NME5: variants seen among roughly 807,000 people sequenced by gnomAD.
NME5 encodes nucleoside diphosphate kinase 5.
Under a neutral mutation model 21.6 loss-of-function variants are expected in NME5, and 18 were observed. The ratio of observed to expected loss-of-function variants is 0.83; its 90% CI spans 0.58 to 1.24. The LOEUF (loss-of-function observed/expected upper bound fraction) is 1.24. NME5 is among the 50% of genes most tolerant of loss of function. The pLI is 0.00. For synonymous variants in NME5, 70 were observed against 80.6 expected (o/e 0.87, Z 0.71); for missense variants, 223 against 255.4 (o/e 0.87, Z 0.86).
At chr5:138,117,314 A>G (rs1319058848) in intron 5 of NME5, among the ~76,000 whole-genome samples, 2 of 152,030 alleles carry the variant, frequency 1.3e-5, no homozygotes, top group Non-Finnish European at 2.9e-5. Context: ...GGATTCTTAG[A>G]CATGACATCA....
At chr5:138,135,109 G>A (rs1306485804) in intron 2 of NME5, among the ~76,000 whole-genome samples, 2 of 148,970 alleles carry the variant, frequency 1.3e-5, no homozygotes, top group Non-Finnish European at 3.0e-5. Flanking sequence ...ACAAGGTCAG[G>A]AGATCGAGAC....
At chr5:138,132,915 T>C (rs1157324438) in intron 2 of NME5, among the ~76,000 whole-genome samples, 1 of 152,074 alleles carries the variant, frequency 6.6e-6, no homozygotes, top group African/African-American at 2.4e-5. Flanking sequence ...AATTAAGACA[T>C]GAAACTATGA....
intron 2 of NME5, among the ~76,000 whole-genome samples, chr5:138,137,766 C>T (rs1013498544): frequency 1.3e-5 from 2 of 151,076 alleles, no homozygotes; most frequent in African/African-American, 4.9e-5. Context: ...TTTGGGAGGC[C>T]GAGGCGGGTG....
At chr5:138,116,113 A>C (rs996970515) in intron 5 of NME5, 1 of 167,082 alleles carries the variant, frequency 6.0e-6, no homozygotes, top group African/African-American at 2.4e-5. Flanking sequence ...TCCAAAAAAA[A>C]ATTTTAAATC....
At chr5:138,117,728 ATCCC>A (rs1481301129) in intron 5 of NME5, among the ~76,000 whole-genome samples, 1 of 152,122 alleles carries the variant, frequency 6.6e-6, no homozygotes, top group Admixed American at 6.5e-5. Flanking sequence ...CACACCTGCA[ATCCC>A]AGCACTTTGG....
intron 2 of NME5, among the ~76,000 whole-genome samples, chr5:138,131,046 C>A (rs1751553268): frequency 6.6e-6 from 1 of 151,624 alleles, no homozygotes; most frequent in South Asian, 2.1e-4. Context: ...GCCTAGCCAA[C>A]ATGGTGAAAC....
chr5:138,117,107 C>T (rs146806182), intron 5 of NME5, among the ~76,000 whole-genome samples: 52 of 149,614 alleles, frequency 3.5e-4, no homozygotes, highest in East Asian at 5.9e-4. Flanking sequence ...TACTTGGCAG[C>T]CTGGTGCACA....
chr5:138,125,906 G>A (rs1054414628), intron 4 of NME5, among the ~76,000 whole-genome samples: 12 of 152,154 alleles, frequency 7.9e-5, no homozygotes, highest in African/African-American at 2.2e-4. Flanking sequence ...GAGCCACCAC[G>A]TCCAGCCAGC....
At chr5:138,133,299 GGTTTCACCGT>G (rs1751616790) in intron 2 of NME5, among the ~76,000 whole-genome samples, 1 of 151,842 alleles carries the variant, frequency 6.6e-6, no homozygotes, top group Admixed American at 6.6e-5. Context: ...GTAGAGACGG[GGTTTCACCGT>G]GTTAGCCAGG....
chr5:138,137,783 G>T (rs867333084), intron 2 of NME5, among the ~76,000 whole-genome samples: 2 of 151,224 alleles, frequency 1.3e-5, no homozygotes, highest in African/African-American at 2.4e-5. Flanking sequence ...GGTGGATCAC[G>T]AGGTCAGGAG....
chr5:138,133,906 T>G (rs1366455985), intron 2 of NME5, among the ~76,000 whole-genome samples: 1 of 151,900 alleles, frequency 6.6e-6, no homozygotes, highest in East Asian at 1.9e-4. Context: ...TGGACAGTAG[T>G]GATGGTTGTA....
intron 4 of NME5, among the ~76,000 whole-genome samples, chr5:138,127,875 G>T (rs1751459169): frequency 6.6e-6 from 1 of 152,100 alleles, no homozygotes; most frequent in Non-Finnish European, 1.5e-5. Context: ...TAACTAGAAA[G>T]AACTGTTACA....
chr5:138,119,031 T>C, intron 4 of NME5, 95 bp from the exon 5 acceptor site: 1 of 692,154 alleles, frequency 1.4e-6, no homozygotes, highest in Non-Finnish European at 2.4e-6. Flanking sequence ...TTTCTCTATT[T>C]TTTTATATGT....
At position 138,138,345 on chromosome 5, in the gene NME5, C is replaced by G. The variant is rs150969917; in HGVS notation, c.129+307G>C. ...AAGGGGTCAAGGGAAAGGGACTGTT[C>G]TGTTTTATGGGGGGAAAATGTTTAT... On this transcript the variant is annotated intron_variant, in intron 2 of 5. Coordinates refer to ENST00000265191, the MANE Select transcript of NME5 (RefSeq NM_003551.3). 594 of 274,440 alleles carry G rather than the reference C, an allele frequency of 2.2e-3. 3 individuals carry two copies. The highest frequency in any genetic ancestry group is 0.013 in the African/African-American group (549 of 43,246). The allele number at this position is 274,440 out of a possible 1,614,324, so 17.0% of individuals were successfully genotyped here.
chr5:138,128,531 C>T lies in NME5; in HGVS notation c.384G>A (p.Gly128=). The T allele has an allele frequency of 1.2e-6, 2 of 1,613,116 alleles. No individual in the cohort carries two copies. Among genetic ancestry groups the T allele is most frequent in the Non-Finnish European group, 1.7e-6 (2 of 1,179,724 alleles). The change falls in exon 4 of 6, where the codon GGG becomes GGA. Residue 128 remains glycine (G), a synonymous_variant. Coordinates refer to ENST00000265191, the MANE Select transcript of NME5 (RefSeq NM_003551.3). ...TTTCCGCAGCAGCAAAGTCATTACT[C>T]CCATGAAGTGCATTCCTTAGGTCAT... ...GTDDLRNALH[G]SNDFAAAERE...
chr5:138,131,426 G>A (rs890340476), intron 2 of NME5, among the ~76,000 whole-genome samples: 9 of 151,522 alleles, frequency 5.9e-5, no homozygotes, highest in African/African-American at 1.9e-4. Flanking sequence ...GTGCATGTCT[G>A]TAATCCCAGC....
rs759175099 is a variant in NME5, at chr5:138,118,825, T to A, written c.548A>T (p.Asp183Val). ...AATAAAAATATTTCTTACCAAAGGA[T>A]CTGCTGGTTTTTGCTTACAAAGCTC... is the stretch of plus-strand genomic sequence containing the variant. ...LTELCKQKPA[D>V]PLIWLADWLL... The change falls in exon 5 of 6, where the codon GAT becomes GTT. Residue 183 changes from aspartate to valine, a missense_variant. Coordinates refer to ENST00000265191, the MANE Select transcript of NME5 (RefSeq NM_003551.3). 6.9e-6 allele frequency: 11 copies of A among 1,592,800 alleles called. No homozygotes were observed. Among genetic ancestry groups the A allele is most frequent in the Non-Finnish European group, 9.5e-6 (11 of 1,160,996 alleles).
chr5:138,129,444 C>A lies in NME5; in HGVS notation c.154G>T (p.Glu52Ter), dbSNP rs1220235034. 1 of 1,613,986 alleles carries A rather than the reference C, an allele frequency of 6.2e-7. No homozygotes were observed. Among genetic ancestry groups the A allele is most frequent in the South Asian group, 1.1e-5 (1 of 91,072 alleles). Residue 52 changes from glutamate to a stop codon, truncating the protein, a stop_gained, in exon 3 of 6, where the codon GAG becomes TAG. Coordinates refer to ENST00000265191, the MANE Select transcript of NME5 (RefSeq NM_003551.3). LOFTEE classifies it high-confidence loss of function. ...TCCACATAAAAGTTACTACATTGCT[C>A]AGGGCTGAGGCGTAGTTTTCTTCTC... ...VQRRKLRLSPEQCSNFYVEKY... is the reference protein window; with the variant it reads ...VQRRKLRLSP
intron 2 of NME5, 103 bp from the exon 3 acceptor site, chr5:138,129,571 T>G: frequency 1.4e-6 from 1 of 735,616 alleles, no homozygotes; most frequent in African/African-American, 1.8e-5. Flanking sequence ...TGATTATAAC[T>G]TCAAGGTTTA....
Sources: allele counts gnomAD v4.1 joint callset (sites outside exome capture counted in the v4.1 genomes callset), GRCh38; gene constraint gnomAD v4.1.1; transcripts MANE v1.5; gene names NCBI Gene and HGNC (gene_info 2026-07-23, HGNC 2026-07-21).